MAP2K4: variants seen among roughly 807,000 people sequenced by gnomAD.
MAP2K4 encodes the protein dual specificity mitogen-activated protein kinase kinase 4.
A neutral mutation model predicts 48.5 loss-of-function variants in MAP2K4; 4 were observed. The ratio of observed to expected loss-of-function variants is 0.08; its 90% CI spans 0.04 to 0.19. MAP2K4 has a LOEUF of 0.19. Ranked by LOEUF, MAP2K4 falls within the 10% of genes least tolerant of loss-of-function variation. The pLI is 1.00. For synonymous variants in MAP2K4, 166 were observed against 173.1 expected, an observed-to-expected ratio of 0.96 and a Z score of 0.32; for missense variants, 258 against 493.3, an observed-to-expected ratio of 0.52 and a Z score of 4.52.
intron 9 of MAP2K4, among the ~76,000 whole-genome samples, chr17:12,129,861 T>C (rs1438704345): frequency 6.6e-6 from 1 of 152,208 alleles, no homozygotes; most frequent in Non-Finnish European, 1.5e-5. Flanking sequence ...TTTAATAGTT[T>C]GTTGTGTGTT....
At chr17:12,120,333 G>A (rs889781527) in intron 7 of MAP2K4, among the ~76,000 whole-genome samples, 2 of 152,054 alleles carry the variant, frequency 1.3e-5, no homozygotes, top group Admixed American at 6.6e-5. Context: ...AGTGGCACAT[G>A]CCTGTAATCC....
At chr17:12,112,954 T>C (rs1489303231) in intron 6 of MAP2K4, 1 of 209,412 alleles carries the variant, frequency 4.8e-6, no homozygotes, top group Admixed American at 5.8e-5. Flanking sequence ...ATGAAGATGT[T>C]AAGAGAAAAA....
chr17:12,142,786 T>C lies in MAP2K4; in HGVS notation c.*1526T>C. 3 of 232,896 alleles carry C rather than the reference T, an allele frequency of 1.3e-5. No homozygotes were observed. Among genetic ancestry groups the C allele is most frequent in the Non-Finnish European group, 2.5e-5 (3 of 117,800 alleles). 14.4% of individuals were successfully genotyped at this position (232,896 alleles called of 1,614,324 possible). On this transcript the variant is annotated 3_prime_UTR_variant, in exon 11 of 11. Coordinates refer to ENST00000353533, the MANE Select transcript of MAP2K4 (RefSeq NM_003010.4). ...ACCCATTAGCCAGGTTCTCATTAGG[T>C]TTTGCTTGGGCCTCCCTGGCACTGA...
intron 1 of MAP2K4, among the ~76,000 whole-genome samples, chr17:12,044,541 A>G (rs1969897351): frequency 6.6e-6 from 1 of 152,208 alleles, no homozygotes; most frequent in South Asian, 2.1e-4. Flanking sequence ...GTTTTGATGT[A>G]AGGAAAAACT....
At chr17:12,093,053 A>G (rs1046466241) in intron 3 of MAP2K4, among the ~76,000 whole-genome samples, 1 of 152,098 alleles carries the variant, frequency 6.6e-6, no homozygotes, top group Non-Finnish European at 1.5e-5. Flanking sequence ...GTATTTGTTC[A>G]ATTCCAAACA....
At chr17:12,062,019 A>G in intron 2 of MAP2K4, among the ~76,000 whole-genome samples, 1 of 151,740 alleles carries the variant, frequency 6.6e-6, no homozygotes, top group East Asian at 1.9e-4. Flanking sequence ...TTCTCTCAAC[A>G]TAGTTAAATA....
chr17:12,068,685 T>C (rs189198042), intron 2 of MAP2K4, among the ~76,000 whole-genome samples: 90 of 152,048 alleles, frequency 5.9e-4, no homozygotes, highest in African/African-American at 2.0e-3. Flanking sequence ...GATCGAGTTT[T>C]AGATAATATT....
intron 1 of MAP2K4, among the ~76,000 whole-genome samples, chr17:12,044,931 C>A (rs1969913595): frequency 6.6e-6 from 1 of 152,190 alleles, no homozygotes; most frequent in Non-Finnish European, 1.5e-5. Context: ...TCATTAGCAT[C>A]CAAAAAATAC....
chr17:12,124,783 C>G (rs185168857), intron 7 of MAP2K4: 1 of 154,156 alleles, frequency 6.5e-6, no homozygotes, highest in Admixed American at 6.4e-5. Flanking sequence ...TCACGCCATT[C>G]TCCTGCCTCA....
intron 9 of MAP2K4, among the ~76,000 whole-genome samples, chr17:12,133,777 C>T (rs151061231): frequency 4.3e-4 from 65 of 152,210 alleles, no homozygotes; most frequent in Non-Finnish European, 7.5e-4. Context: ...GTCACTAGGA[C>T]GATATAAGAC....
chr17:12,121,778 T>C (rs1429659475), intron 7 of MAP2K4, among the ~76,000 whole-genome samples: 1 of 152,188 alleles, frequency 6.6e-6, no homozygotes, highest in Non-Finnish European at 1.5e-5. Context: ...GCATACTTCA[T>C]GTATGAGGAG....
intron 2 of MAP2K4, among the ~76,000 whole-genome samples, chr17:12,070,726 G>A (rs373662650): frequency 7.2e-5 from 11 of 152,118 alleles, no homozygotes; most frequent in African/African-American, 1.9e-4. Flanking sequence ...AAGTTTTATT[G>A]GAACATAGCC....
At chr17:12,120,975 C>G (rs576957039) in intron 7 of MAP2K4, among the ~76,000 whole-genome samples, 1 of 152,086 alleles carries the variant, frequency 6.6e-6, no homozygotes. Context: ...TGTATTGATA[C>G]GTCATATTTT....
chr17:12,057,582 G>C (rs1349945339), intron 2 of MAP2K4, among the ~76,000 whole-genome samples: 2 of 151,934 alleles, frequency 1.3e-5, no homozygotes, highest in African/African-American at 4.8e-5. Context: ...CTCTTTTTCT[G>C]GGAAAATTGC....
At chr17:12,037,024 C>A (rs1969623644) in intron 1 of MAP2K4, among the ~76,000 whole-genome samples, 1 of 152,050 alleles carries the variant, frequency 6.6e-6, no homozygotes, top group South Asian at 2.1e-4. Context: ...GCGTTAAAAA[C>A]TTTGTGCTTT....
At chr17:12,092,138 T>C (rs1971582170) in intron 3 of MAP2K4, among the ~76,000 whole-genome samples, 1 of 152,178 alleles carries the variant, frequency 6.6e-6, no homozygotes, top group Non-Finnish European at 1.5e-5. Flanking sequence ...GTTTTCATTC[T>C]ACTATTTACT....
chr17:12,060,939 C>G (rs758241152), intron 2 of MAP2K4, among the ~76,000 whole-genome samples: 2 of 152,076 alleles, frequency 1.3e-5, no homozygotes, highest in Non-Finnish European at 2.9e-5. Context: ...CTTCTCAGAT[C>G]GAACTTCTGT....
intron 2 of MAP2K4, among the ~76,000 whole-genome samples, chr17:12,070,177 G>A (rs979522670): frequency 2.6e-5 from 4 of 151,596 alleles, no homozygotes; most frequent in African/African-American, 7.3e-5. Flanking sequence ...AGGTTCTTAC[G>A]GATAGTGGTT....
chr17:12,038,830 C>G (rs1567627634), intron 1 of MAP2K4, among the ~76,000 whole-genome samples: 1 of 152,050 alleles, frequency 6.6e-6, no homozygotes, highest in East Asian at 1.9e-4. Context: ...ACTGTGTGAC[C>G]TTGGTCTGGT....
Sources: gnomAD v4.1 joint callset for allele counts (sites outside exome capture counted in the v4.1 genomes callset) on GRCh38, gnomAD v4.1.1 for gene constraint, MANE v1.5 for transcripts, NCBI Gene and HGNC (gene_info 2026-07-23, HGNC 2026-07-21) for gene names.